The following PRKRA variants were observed in gnomAD, a reference collection of about 807,000 sequenced individuals.
PRKRA encodes interferon-inducible double-stranded RNA-dependent protein kinase activator A.
A neutral mutation model predicts 32.4 loss-of-function variants in PRKRA; 22 were observed. The observed-to-expected ratio is 0.68, with a 90% CI of 0.49 to 0.97. The LOEUF (loss-of-function observed/expected upper bound fraction) is 0.97, where lower values mean the gene tolerates loss of function less well. Ranked by LOEUF, PRKRA falls within the 50% of genes least tolerant of loss-of-function variation. The probability of loss-of-function intolerance (pLI) is 0.00; values close to 1 mark genes in which losing one functional copy is unlikely to be tolerated. For synonymous variants in PRKRA, 139 were observed against 129.8 expected, an observed-to-expected ratio of 1.07 and a Z score of -0.48; for missense variants, 319 against 375.6, an observed-to-expected ratio of 0.85 and a Z score of 1.25.
chr2:178,448,240 G>A (rs1436559582), intron 2 of PRKRA, among the ~76,000 whole-genome samples: 1 of 152,208 alleles, frequency 6.6e-6, no homozygotes, highest in Non-Finnish European at 1.5e-5. Context: ...TCTAATTTCA[G>A]TAAGCAATCA....
intron 7 of PRKRA, chr2:178,433,569 T>C (rs993345055): frequency 1.3e-5 from 2 of 152,242 alleles, no homozygotes; most frequent in African/African-American, 4.8e-5. Context: ...TGGTACCTTA[T>C]TATCGTGGTT....
At chr2:178,435,146 G>A (rs549850580) in intron 7 of PRKRA, among the ~76,000 whole-genome samples, 22 of 151,862 alleles carry the variant, frequency 1.4e-4, no homozygotes, top group African/African-American at 4.3e-4. Context: ...GAACCTGGGA[G>A]GCAGAGGTTA....
intron 6 of PRKRA, among the ~76,000 whole-genome samples, chr2:178,436,762 GA>G (rs953710754): frequency 6.8e-6 from 1 of 147,660 alleles, no homozygotes; most frequent in Admixed American, 6.7e-5. Context: ...TATCAAACAG[GA>G]AAAAAAACAG....
Position 178,443,206 on chromosome 2 carries a change from T to G in PRKRA, c.514+61A>C. The G allele has an allele frequency of 3.2e-6, 3 of 929,852 alleles. No homozygotes were observed. The Admixed American group carries it at 7.4e-5, about 23-fold the overall frequency. 57.6% of individuals were successfully genotyped at this position (929,852 alleles called of 1,614,324 possible). On this transcript the variant is annotated intron_variant, in intron 5 of 7. Transcript: ENST00000325748. ...TATTTGAAAACATTACGACAGAAAT[T>G]TCGATAGTCATTCATCATCTGAAAA...
Position 178,432,149 on chromosome 2 carries a change from T to C in PRKRA, c.890A>G (p.Asp297Gly), listed in dbSNP as rs745696471. The C allele has an allele frequency of 5.0e-6, 8 of 1,614,130 alleles. No homozygotes were observed. The highest frequency in any genetic ancestry group is 2.5e-6 in the Non-Finnish European group (3 of 1,180,058). ...ATACTGCAAAGCATTGTGAGCTGCA[T>C]CACTTTGTGCATTGCCACAGGAGAT... ...SGISCGNAQSDAAHNALQYLK... is the reference protein window; with the variant it reads ...SGISCGNAQSGAAHNALQYLK... The change falls in exon 8 of 8, where the codon GAT (aspartate) becomes GGT (glycine). Residue 297 changes from aspartate to glycine, a missense_variant. Physicochemically the swap from Asp to Gly is moderately conservative, Grantham distance 94 (BLOSUM62 -1). Transcript: ENST00000325748.
At chr2:178,442,828 A>T (rs1344206808) in intron 5 of PRKRA, among the ~76,000 whole-genome samples, 1 of 152,232 alleles carries the variant, frequency 6.6e-6, no homozygotes, top group African/African-American at 2.4e-5. Flanking sequence ...ATTAAGAAAG[A>T]TAATTTTCAT....
chr2:178,450,458 T>G, intron 1 of PRKRA, 47 bp from the exon 2 acceptor site: 1 of 1,576,266 alleles, frequency 6.3e-7, no homozygotes, highest in Non-Finnish European at 8.5e-7. Context: ...AATTGGAGAT[T>G]GAAGCAGAAG....
chr2:178,432,103 T>A lies in PRKRA; in HGVS notation c.936A>T (p.Arg312Ser). The A allele has an allele frequency of 3.7e-6, 6 of 1,614,210 alleles. No homozygotes were observed. The highest frequency in any genetic ancestry group is 5.1e-6 in the Non-Finnish European group (6 of 1,180,026). The change falls in exon 8 of 8, where the codon AGA (arginine) becomes AGT (serine). Residue 312 changes from arginine (R) to serine (S), a missense_variant. Transcript: ENST00000325748. ...TTTTTAAGTTGCTCCAGATTTACTT[T>A]CTTTCTGCTATTATCTTTAAATACT... ...ALQYLKIIAE[R>S]K is the part of the protein sequence containing the mutation.
intron 4 of PRKRA, 135 bp from the exon 5 acceptor site, chr2:178,443,519 GAAGA>G: frequency 6.0e-6 from 4 of 669,076 alleles, no homozygotes; most frequent in Non-Finnish European, 7.9e-6. Context: ...AAAAAAGAGG[GAAGA>G]CCCTCTATTT....
At position 178,450,282 on chromosome 2, in the gene PRKRA, A is replaced by G; in HGVS notation, c.195T>C (p.Thr65=). 1.2e-6 allele frequency: 2 copies of G among 1,614,272 alleles called. No individual in the cohort carries two copies. The highest frequency in any genetic ancestry group is 2.2e-5 in the East Asian group (1 of 44,892). The change falls in exon 2 of 8, where the codon ACT becomes ACC. Residue 65 remains threonine, a synonymous_variant. Transcript: ENST00000325748. ...ERSDVQIHVP[T]FTFRVTVGDI... is the part of the protein sequence containing the mutation. ...CACCAACGGTTACTCTGAAGGTGAAAGTGGGCACGTGTATTTGCACATCAG... is the reference window on the plus strand; with the variant it reads ...CACCAACGGTTACTCTGAAGGTGAAGGTGGGCACGTGTATTTGCACATCAG...
chr2:178,432,026 G>T lies in PRKRA; in HGVS notation c.*71C>A. ...ACAAGACATAAACACTACGGTAAAA[G>T]TTTTACTTGGGAAGGGGCCAGAGGG... On this transcript the variant is annotated 3_prime_UTR_variant, in exon 8 of 8. Coordinates refer to ENST00000325748, the MANE Select transcript of PRKRA (RefSeq NM_003690.5). 1 of 1,537,772 alleles carries T rather than the reference G, an allele frequency of 6.5e-7. No individual in the cohort carries two copies.
intron 6 of PRKRA, 133 bp downstream of exon 6, chr2:178,441,477 G>A (rs1697111229): frequency 1.3e-5 from 10 of 762,134 alleles, no homozygotes; most frequent in Non-Finnish European, 2.2e-5. Flanking sequence ...AATGGGGTAG[G>A]GTATAACTGA....
intron 2 of PRKRA, among the ~76,000 whole-genome samples, chr2:178,448,798 G>C (rs965404784): frequency 2.0e-5 from 3 of 152,214 alleles, no homozygotes; most frequent in African/African-American, 7.2e-5. Flanking sequence ...TTTAATAACA[G>C]ACTGGACAAG....
At chr2:178,448,395 A>G (rs895541887) in intron 2 of PRKRA, among the ~76,000 whole-genome samples, 1 of 152,196 alleles carries the variant, frequency 6.6e-6, no homozygotes, top group Non-Finnish European at 1.5e-5. Context: ...TAACACAGGT[A>G]TTAGGGATAT....
At chr2:178,447,363 A>G (rs1293538274) in intron 3 of PRKRA, 142 bp downstream of exon 3, 23 of 1,419,926 alleles carry the variant, frequency 1.6e-5, no homozygotes, top group Non-Finnish European at 1.9e-6. Flanking sequence ...AATGGATGAT[A>G]AGTTTTCATA....
intron 7 of PRKRA, among the ~76,000 whole-genome samples, chr2:178,432,604 A>G (rs889074356): frequency 6.6e-6 from 1 of 152,206 alleles, no homozygotes; most frequent in Admixed American, 6.5e-5. Flanking sequence ...GTTGAACACT[A>G]TTTGGAAATT....
intron 5 of PRKRA, among the ~76,000 whole-genome samples, chr2:178,441,980 G>A (rs1459316143): frequency 1.3e-5 from 2 of 151,186 alleles, no homozygotes; most frequent in African/African-American, 2.4e-5. Context: ...CCGCCTCCTG[G>A]GTTCAAGCAA....
chr2:178,448,901 A>G (rs1427894589), intron 2 of PRKRA, among the ~76,000 whole-genome samples: 2 of 152,214 alleles, frequency 1.3e-5, no homozygotes, highest in Non-Finnish European at 2.9e-5. Context: ...AGGGAATGCA[A>G]GAAGAATGGG....
intron 3 of PRKRA, 72 bp downstream of exon 3, chr2:178,447,433 C>G: frequency 7.5e-7 from 1 of 1,332,446 alleles, no homozygotes; most frequent in Non-Finnish European, 9.8e-7. Flanking sequence ...CTTTTGTAAG[C>G]ATGTTCAAAT....
Sources: gnomAD v4.1 joint callset for allele counts (sites outside exome capture counted in the v4.1 genomes callset) on GRCh38, gnomAD v4.1.1 for gene constraint, MANE v1.5 for transcripts, NCBI Gene and HGNC (gene_info 2026-07-23, HGNC 2026-07-21) for gene names.